Variants in TAOK1 observed in about 807,000 individuals in gnomAD.
The protein encoded by TAOK1 is serine/threonine-protein kinase TAO1.
In TAOK1, 21 loss-of-function variants were observed where a neutral mutation model predicts 138.3. That is an observed-to-expected ratio of 0.15 (90% CI 0.11 to 0.22). TAOK1 has a LOEUF of 0.22. Among genes scored for constraint, TAOK1 ranks in the 10% least tolerant of loss-of-function variants. The pLI, the probability that TAOK1 is intolerant of heterozygous loss-of-function variation, is 1.00. For synonymous variants in TAOK1, 361 were observed against 398.4 expected, an observed-to-expected ratio of 0.91 and a Z score of 1.12; for missense variants, 651 against 1,227.7, an observed-to-expected ratio of 0.53 and a Z score of 7.02.
chr17:29,533,308 C>T (rs1475360337), intron 18 of TAOK1, among the ~76,000 whole-genome samples: 1 of 150,960 alleles, frequency 6.6e-6, no homozygotes, highest in Non-Finnish European at 1.5e-5. Context: ...GCGCTCCTCA[C>T]TTCCTAGATG....
At chr17:29,394,162 T>G (rs987232970) in intron 1 of TAOK1, among the ~76,000 whole-genome samples, 52 of 119,878 alleles carry the variant, frequency 4.3e-4, no homozygotes, top group African/African-American at 1.7e-3. Flanking sequence ...TTTTTTTTTT[T>G]TTTTTTTTTT....
intron 15 of TAOK1, chr17:29,512,003 A>C (rs1413427674): frequency 6.6e-6 from 1 of 151,990 alleles, no homozygotes; most frequent in Non-Finnish European, 1.5e-5. Flanking sequence ...TTGTGGCTAC[A>C]GGGTTTCATA....
chr17:29,401,507 T>G (rs1204380811), intron 1 of TAOK1, among the ~76,000 whole-genome samples: 2 of 152,138 alleles, frequency 1.3e-5, no homozygotes, highest in Non-Finnish European at 2.9e-5. Context: ...CAGTAGCTCT[T>G]GAGAACTCAC....
chr17:29,433,026 T>C (rs536521117), intron 1 of TAOK1, among the ~76,000 whole-genome samples: 1 of 152,220 alleles, frequency 6.6e-6, no homozygotes, highest in South Asian at 2.1e-4. Context: ...TTCGTAAGTG[T>C]TGGGATTATA....
At chr17:29,498,240 A>T in intron 11 of TAOK1, 78 bp from the exon 12 acceptor site, 1 of 1,443,286 alleles carries the variant, frequency 6.9e-7, no homozygotes, top group Non-Finnish European at 9.7e-7. Flanking sequence ...GTGGTATGCT[A>T]GGTGCTTATA....
intron 14 of TAOK1, among the ~76,000 whole-genome samples, chr17:29,509,531 C>T (rs1235493130): frequency 6.6e-6 from 1 of 151,784 alleles, no homozygotes; most frequent in Non-Finnish European, 1.5e-5. Context: ...TGGGAAAAGG[C>T]GATACTAACA....
intron 1 of TAOK1, among the ~76,000 whole-genome samples, chr17:29,398,113 CCCT>C (rs1430858849): frequency 1.3e-5 from 2 of 152,156 alleles, no homozygotes; most frequent in Admixed American, 6.6e-5. Context: ...AGGCAGTCCT[CCCT>C]CCTCAGCATC....
rs150696566 is a variant in TAOK1 at position 29,453,081 on chromosome 17, A to G, written c.132+1401A>G. On this transcript the variant is annotated intron_variant, in intron 2 of 19. Coordinates refer to ENST00000261716, the MANE Select transcript of TAOK1 (RefSeq NM_020791.4). Reference sequence around the variant, plus strand: ...CAGCAGCTGCACCAGTCTTTGTTCTATGTCTATGGATTTGCCTATTCTGGA... The same window carrying G: ...CAGCAGCTGCACCAGTCTTTGTTCTGTGTCTATGGATTTGCCTATTCTGGA... 4.6e-5 allele frequency among the ~76,000 whole-genome samples: 7 copies of G among 151,412 alleles called. No homozygotes were observed. In the East Asian group the frequency reaches 1.4e-3, roughly 29 times the overall value.
chr17:29,487,595 C>T (rs548119985), intron 8 of TAOK1, among the ~76,000 whole-genome samples: 2 of 152,242 alleles, frequency 1.3e-5, no homozygotes, highest in Admixed American at 1.3e-4. Context: ...GCTAGGACAT[C>T]TTAGTGTACC....
intron 1 of TAOK1, among the ~76,000 whole-genome samples, chr17:29,410,792 C>T (rs544600039): frequency 1.3e-5 from 2 of 151,196 alleles, no homozygotes; most frequent in East Asian, 2.0e-4. Context: ...CCCACCACCA[C>T]GCCTGGCTAA....
chr17:29,519,379 C>T (rs996502520), intron 16 of TAOK1, among the ~76,000 whole-genome samples: 2 of 151,818 alleles, frequency 1.3e-5, no homozygotes, highest in Non-Finnish European at 2.9e-5. Context: ...ATGAGCCGGA[C>T]GAGGTGGCGG....
At chr17:29,531,030 C>T (rs1340404889) in intron 18 of TAOK1, among the ~76,000 whole-genome samples, 17 of 132,676 alleles carry the variant, frequency 1.3e-4, no homozygotes, top group African/African-American at 4.3e-4. Flanking sequence ...GGCGCGATCT[C>T]GGCTCACTGC....
chr17:29,400,447 A>G (rs993641546), intron 1 of TAOK1, among the ~76,000 whole-genome samples: 4 of 149,054 alleles, frequency 2.7e-5, no homozygotes, highest in Non-Finnish European at 5.9e-5. Context: ...TACTTTGTTT[A>G]TTTAAGAAAA....
chr17:29,481,546 C>T (rs936126332), intron 7 of TAOK1, among the ~76,000 whole-genome samples: 1 of 152,066 alleles, frequency 6.6e-6, no homozygotes, highest in Middle Eastern at 3.4e-3. Context: ...AACCACTGGC[C>T]TAAAGTATAT....
At chr17:29,537,673 G>A (rs1454875679) in intron 19 of TAOK1, among the ~76,000 whole-genome samples, 1 of 151,568 alleles carries the variant, frequency 6.6e-6, no homozygotes, top group African/African-American at 2.4e-5. Context: ...ATTTAGCCTT[G>A]TAAATGTTAA....
intron 16 of TAOK1, among the ~76,000 whole-genome samples, chr17:29,518,886 C>T (rs2031867376): frequency 6.6e-6 from 1 of 152,072 alleles, no homozygotes; most frequent in African/African-American, 2.4e-5. Flanking sequence ...CCTGCCTCAG[C>T]CTCTCAAGTA....
At chr17:29,532,107 G>T (rs1055950576) in intron 18 of TAOK1, among the ~76,000 whole-genome samples, 4 of 151,978 alleles carry the variant, frequency 2.6e-5, no homozygotes, top group Non-Finnish European at 1.5e-5. Context: ...TGATCCGCCC[G>T]CCTCAGCCTC....
At chr17:29,488,424 G>A (rs890618836) in intron 8 of TAOK1, among the ~76,000 whole-genome samples, 4 of 115,492 alleles carry the variant, frequency 3.5e-5, no homozygotes, top group South Asian at 5.4e-4. Context: ...TATAAAATTA[G>A]CCAGGCGTGG....
intron 1 of TAOK1, among the ~76,000 whole-genome samples, chr17:29,408,777 G>C (rs1905065326): frequency 6.6e-6 from 1 of 151,534 alleles, no homozygotes; most frequent in Admixed American, 6.6e-5. Flanking sequence ...CAGTGGCACA[G>C]TCTTCGCTCA....
Sources: allele counts gnomAD v4.1 joint callset (sites outside exome capture counted in the v4.1 genomes callset), GRCh38; gene constraint gnomAD v4.1.1; transcripts MANE v1.5; gene names NCBI Gene and HGNC (gene_info 2026-07-23, HGNC 2026-07-21).